Variants in NEGR1 observed in about 807,000 individuals in gnomAD.
The protein encoded by NEGR1 is neuronal growth regulator 1.
Under a neutral mutation model 40.9 loss-of-function variants are expected in NEGR1, and 10 were observed. That is an observed-to-expected ratio of 0.24 (90% CI 0.15 to 0.42). NEGR1 has a LOEUF of 0.42. NEGR1 is among the 10% of genes least tolerant of loss of function. The probability of loss-of-function intolerance (pLI) is 1.00; values close to 1 mark genes in which losing one functional copy is unlikely to be tolerated. For synonymous variants in NEGR1, 185 were observed against 166.8 expected (o/e 1.11, Z -0.84); for missense variants, 352 against 438.9 (o/e 0.80, Z 1.77).
chr1:71,683,788 T>TTA (rs56821934), intron 4 of NEGR1, among the ~76,000 whole-genome samples: 76 of 151,300 alleles, frequency 5.0e-4, no homozygotes, highest in African/African-American at 1.3e-3. Flanking sequence ...TTTTTTTTTT[T>TTA]AATTTTCAGG....
At chr1:71,971,206 G>A (rs1646253428) in intron 1 of NEGR1, among the ~76,000 whole-genome samples, 1 of 152,246 alleles carries the variant, frequency 6.6e-6, no homozygotes, top group South Asian at 2.1e-4. Flanking sequence ...AGAGGTGTCA[G>A]TGTTAGCGTG....
At chr1:71,664,508 A>C (rs1652173667) in intron 4 of NEGR1, among the ~76,000 whole-genome samples, 1 of 152,076 alleles carries the variant, frequency 6.6e-6, no homozygotes, top group Admixed American at 6.6e-5. Flanking sequence ...GATTTTCTTA[A>C]GTTTTTTACA....
chr1:72,067,088 T>C (rs544357849), intron 1 of NEGR1, among the ~76,000 whole-genome samples: 1 of 152,220 alleles, frequency 6.6e-6, no homozygotes, highest in South Asian at 2.1e-4. Flanking sequence ...GAGGTAAAGA[T>C]CTACCTTTCT....
intron 2 of NEGR1, among the ~76,000 whole-genome samples, chr1:71,914,487 A>G (rs71651497): frequency 0.021 from 3,147 of 152,278 alleles, 51 homozygotes; most frequent in Non-Finnish European, 0.032. Context: ...AATTATTTCC[A>G]TTCATTTGAT....
At chr1:71,650,902 T>C (rs1431741131) in intron 4 of NEGR1, among the ~76,000 whole-genome samples, 3 of 152,176 alleles carry the variant, frequency 2.0e-5, no homozygotes, top group Non-Finnish European at 4.4e-5. Flanking sequence ...AATTAGATAA[T>C]ACATTACTTT....
chr1:72,274,767 C>G, intron 1 of NEGR1: 2 of 1,301,108 alleles, frequency 1.5e-6, no homozygotes, highest in Non-Finnish European at 2.2e-6. Flanking sequence ...GTAAGCAGTT[C>G]ATCTGTGACC....
chr1:72,121,580 T>C (rs992213530), intron 1 of NEGR1, among the ~76,000 whole-genome samples: 8 of 151,954 alleles, frequency 5.3e-5, no homozygotes, highest in Non-Finnish European at 8.8e-5. Context: ...CAAAGTAGAA[T>C]AGACCCTCTT....
At chr1:71,689,308 T>C (rs1280336796) in intron 4 of NEGR1, among the ~76,000 whole-genome samples, 6 of 152,288 alleles carry the variant, frequency 3.9e-5, no homozygotes, top group African/African-American at 1.4e-4. Flanking sequence ...GCAGTCTCTA[T>C]AAAACTTAAA....
chr1:72,025,156 AGTTTTT>A (rs1646795637), intron 1 of NEGR1, among the ~76,000 whole-genome samples: 2 of 152,172 alleles, frequency 1.3e-5, no homozygotes, highest in African/African-American at 4.8e-5. Context: ...GATATAGCTA[AGTTTTT>A]ACGTCTTATA....
intron 2 of NEGR1, among the ~76,000 whole-genome samples, chr1:71,876,385 C>T (rs948552523): frequency 3.3e-5 from 5 of 151,950 alleles, no homozygotes; most frequent in African/African-American, 7.3e-5. Flanking sequence ...CATGGTTGCA[C>T]GCTCTGGTAG....
intron 2 of NEGR1, among the ~76,000 whole-genome samples, chr1:71,846,292 A>G (rs1164288999): frequency 2.0e-5 from 3 of 152,108 alleles, no homozygotes; most frequent in Non-Finnish European, 2.9e-5. Flanking sequence ...GAGTCCGATT[A>G]GCCACATCTA....
At chr1:71,887,856 C>A (rs1344835725) in intron 2 of NEGR1, among the ~76,000 whole-genome samples, 1 of 152,068 alleles carries the variant, frequency 6.6e-6, no homozygotes, top group African/African-American at 2.4e-5. Flanking sequence ...GTGGAAACAA[C>A]CTTTTCCATT....
At chr1:71,579,228 A>T (rs930970492) in intron 6 of NEGR1, among the ~76,000 whole-genome samples, 1 of 152,132 alleles carries the variant, frequency 6.6e-6, no homozygotes, top group African/African-American at 2.4e-5. Context: ...TTCCAGTCAC[A>T]TGGGATTTCT....
At chr1:71,637,291 A>T (rs1347919728) in intron 4 of NEGR1, among the ~76,000 whole-genome samples, 1 of 152,012 alleles carries the variant, frequency 6.6e-6, no homozygotes, top group Non-Finnish European at 1.5e-5. Context: ...TATGTCCTAG[A>T]ACTTTAGGGT....
At chr1:71,650,121 T>C (rs2101581241) in intron 4 of NEGR1, among the ~76,000 whole-genome samples, 1 of 152,152 alleles carries the variant, frequency 6.6e-6, no homozygotes, top group East Asian at 1.9e-4. Flanking sequence ...TATCTTCAAA[T>C]AAAAAGAAAT....
chr1:71,773,080 T>C (rs1656383565), intron 3 of NEGR1, among the ~76,000 whole-genome samples: 1 of 152,164 alleles, frequency 6.6e-6, no homozygotes, highest in Non-Finnish European at 1.5e-5. Context: ...AAAAGTAGAA[T>C]GGCAACTGTA....
intron 6 of NEGR1, among the ~76,000 whole-genome samples, chr1:71,428,327 G>A (rs1407211611): frequency 6.6e-6 from 1 of 152,158 alleles, no homozygotes. Flanking sequence ...GGCAGTCTGT[G>A]TTAAGTCTCA....
chr1:71,580,902 G>C (rs1294753131), intron 6 of NEGR1, among the ~76,000 whole-genome samples: 2 of 152,122 alleles, frequency 1.3e-5, no homozygotes, highest in East Asian at 3.9e-4. Flanking sequence ...GCATGCTAAA[G>C]CTGGCTTATA....
At chr1:72,086,305 A>G (rs1480208849) in intron 1 of NEGR1, among the ~76,000 whole-genome samples, 2 of 152,192 alleles carry the variant, frequency 1.3e-5, no homozygotes, top group Non-Finnish European at 2.9e-5. Flanking sequence ...GTATGACACC[A>G]GCCTCTCCTG....
Sources: gnomAD v4.1 joint callset for allele counts (sites outside exome capture counted in the v4.1 genomes callset) on GRCh38, gnomAD v4.1.1 for gene constraint, MANE v1.5 for transcripts, NCBI Gene and HGNC (gene_info 2026-07-23, HGNC 2026-07-21) for gene names.